The following CSMD1 variants were observed in gnomAD, a reference collection of about 807,000 sequenced individuals.
CSMD1 encodes the protein CUB and Sushi multiple domains 1.
In CSMD1, 213 loss-of-function variants were observed where a neutral mutation model predicts 417.5. That is an observed-to-expected ratio of 0.51 (90% confidence interval 0.46 to 0.57). The LOEUF (loss-of-function observed/expected upper bound fraction) is 0.57. Ranked by LOEUF, CSMD1 falls within the 20% of genes least tolerant of loss-of-function variation. The pLI, the probability that CSMD1 is intolerant of heterozygous loss-of-function variation, is 0.00. For missense variants in CSMD1, 6,923 were observed against 4,529.7 expected, an observed-to-expected ratio of 1.53 and a Z score of -15.17; for synonymous variants, 2,862 against 1,736.8, an observed-to-expected ratio of 1.65 and a Z score of -16.11.
intron 3 of CSMD1, among the ~76,000 whole-genome samples, chr8:4,080,833 G>T (rs1461039458): frequency 2.0e-5 from 3 of 152,098 alleles, no homozygotes; most frequent in Admixed American, 2.0e-4. Flanking sequence ...TTCAATAAAG[G>T]TATTGCTATG....
chr8:4,543,007 A>C (rs534081456), intron 2 of CSMD1, among the ~76,000 whole-genome samples: 1 of 152,332 alleles, frequency 6.6e-6, no homozygotes, highest in African/African-American at 2.4e-5. Context: ...TCTATATTTT[A>C]GAGTAGGTTT....
At chr8:3,978,511 G>A (rs775886781) in intron 5 of CSMD1, among the ~76,000 whole-genome samples, 5 of 151,928 alleles carry the variant, frequency 3.3e-5, no homozygotes, top group African/African-American at 7.3e-5. Flanking sequence ...ATTCTACCAC[G>A]CAGCCTGAAA....
intron 10 of CSMD1, among the ~76,000 whole-genome samples, chr8:3,547,308 G>C (rs778426151): frequency 6.6e-6 from 1 of 152,192 alleles, no homozygotes; most frequent in Non-Finnish European, 1.5e-5. Context: ...AAATGAATGT[G>C]TGCTTATTTC....
chr8:4,747,010 C>G (rs892482203), intron 1 of CSMD1, among the ~76,000 whole-genome samples: 2 of 152,132 alleles, frequency 1.3e-5, no homozygotes, highest in African/African-American at 2.4e-5. Context: ...CGTGAGAAGG[C>G]GGTTCAGAGA....
At chr8:4,511,674 T>A (rs1196914106) in intron 2 of CSMD1, among the ~76,000 whole-genome samples, 5 of 151,838 alleles carry the variant, frequency 3.3e-5, no homozygotes, top group Non-Finnish European at 7.4e-5. Context: ...AGCTCCAGAG[T>A]GGGAGTAGGG....
In CSMD1 at chr8:2,942,469, T is replaced by G; in HGVS notation, c.10535+3A>C. On this transcript the variant is annotated splice_donor_region_variant and intron_variant, in intron 69 of 69. Coordinates refer to ENST00000635120, the MANE Select transcript of CSMD1 (RefSeq NM_033225.6). ...TCTCAAACAGATGGTGTTTCTGCAG[T>G]ACCTGTGTTTGTAGAGGTAAAATGC... The G allele has an allele frequency of 6.2e-7, 1 of 1,611,464 alleles. No individual in the cohort carries two copies. Among genetic ancestry groups the G allele is most frequent in the Non-Finnish European group, 8.5e-7 (1 of 1,178,422 alleles).
chr8:3,064,419 C>A (rs970000805), intron 49 of CSMD1, among the ~76,000 whole-genome samples: 8 of 152,156 alleles, frequency 5.3e-5, no homozygotes, highest in African/African-American at 1.7e-4. Flanking sequence ...CTTGCTTCCC[C>A]TTCGCTTTCT....
At chr8:4,464,324 G>T (rs1291396363) in intron 2 of CSMD1, among the ~76,000 whole-genome samples, 2 of 152,152 alleles carry the variant, frequency 1.3e-5, no homozygotes, top group Admixed American at 6.5e-5. Flanking sequence ...TCAACTTACA[G>T]TGCGGTTATG....
chr8:4,515,399 A>G lies in CSMD1; in HGVS notation c.303-95334T>C, dbSNP rs376038143. On this transcript the variant is annotated intron_variant, in intron 2 of 69. Coordinates refer to ENST00000635120, the MANE Select transcript of CSMD1 (RefSeq NM_033225.6). ...GATGTTAAATGTTATGGGACCCATG[A>G]AGAGGCGTCTTTGTCTGCTTGACAA... Among the ~76,000 whole-genome samples the G allele has an allele frequency of 4.6e-5, 7 of 152,256 alleles. No individual in the cohort carries two copies. The South Asian group carries it at 1.0e-3, about 23-fold the overall frequency.
chr8:4,831,907 G>C (rs1800176274), intron 1 of CSMD1, among the ~76,000 whole-genome samples: 1 of 151,960 alleles, frequency 6.6e-6, no homozygotes, highest in Admixed American at 6.6e-5. Context: ...GACACAAGCA[G>C]ACACACTCCC....
At chr8:4,855,754 A>T (rs1225656308) in intron 1 of CSMD1, among the ~76,000 whole-genome samples, 4 of 151,912 alleles carry the variant, frequency 2.6e-5, no homozygotes, top group Admixed American at 1.3e-4. Flanking sequence ...CCAAGAAATA[A>T]GGGACTATGT....
intron 14 of CSMD1, among the ~76,000 whole-genome samples, chr8:3,407,474 T>C (rs533552240): frequency 6.6e-6 from 1 of 151,508 alleles, no homozygotes; most frequent in East Asian, 1.9e-4. Flanking sequence ...AAAGGATGGA[T>C]AGATGCATGG....
At chr8:3,705,718 T>C (rs1801129907) in intron 7 of CSMD1, among the ~76,000 whole-genome samples, 1 of 152,230 alleles carries the variant, frequency 6.6e-6, no homozygotes, top group Non-Finnish European at 1.5e-5. Context: ...GAAAGGATTA[T>C]ATCACTTCTG....
chr8:4,355,409 G>A (rs1423259162), intron 3 of CSMD1, among the ~76,000 whole-genome samples: 1 of 151,738 alleles, frequency 6.6e-6, no homozygotes, highest in Non-Finnish European at 1.5e-5. Context: ...CTTAACAGAA[G>A]TAGCGAATTC....
intron 10 of CSMD1, among the ~76,000 whole-genome samples, chr8:3,565,929 G>A (rs539788981): frequency 4.9e-4 from 75 of 152,042 alleles, no homozygotes; most frequent in Non-Finnish European, 9.4e-4. Context: ...TGTGCCATCC[G>A]TGATGCGGAC....
chr8:3,871,333 A>G (rs1053616272), intron 5 of CSMD1, among the ~76,000 whole-genome samples: 1 of 152,130 alleles, frequency 6.6e-6, no homozygotes, highest in Non-Finnish European at 1.5e-5. Context: ...ACAACATCAT[A>G]GTTGATATTG....
At chr8:4,234,863 C>G (rs1014614182) in intron 3 of CSMD1, among the ~76,000 whole-genome samples, 1 of 152,104 alleles carries the variant, frequency 6.6e-6, no homozygotes, top group African/African-American at 2.4e-5. Flanking sequence ...GCTCTGTCCC[C>G]ACGTAGCTTT....
intron 3 of CSMD1, among the ~76,000 whole-genome samples, chr8:4,047,392 C>A (rs916544784): frequency 2.0e-5 from 3 of 152,146 alleles, no homozygotes; most frequent in Non-Finnish European, 4.4e-5. Flanking sequence ...CTTGGAAACT[C>A]AGGAAATATT....
intron 3 of CSMD1, among the ~76,000 whole-genome samples, chr8:4,100,580 T>A (rs907528499): frequency 6.6e-6 from 1 of 152,178 alleles, no homozygotes; most frequent in Non-Finnish European, 1.5e-5. Flanking sequence ...CAGCATCACC[T>A]GGGAGGTGGT....
Sources: gnomAD v4.1 joint callset for allele counts (sites outside exome capture counted in the v4.1 genomes callset) on GRCh38, gnomAD v4.1.1 for gene constraint, MANE v1.5 for transcripts, NCBI Gene and HGNC (gene_info 2026-07-23, HGNC 2026-07-21) for gene names.